The following VPS26A variants were observed in gnomAD, a reference collection of about 807,000 sequenced individuals.
The protein encoded by VPS26A is VPS26 retromer complex component A.
In VPS26A, 22 loss-of-function variants were observed where a neutral mutation model predicts 42.4. The observed-to-expected ratio is 0.52, with a 90% CI of 0.37 to 0.74. VPS26A has a LOEUF of 0.74. Ranked by LOEUF, VPS26A falls within the 30% of genes least tolerant of loss-of-function variation. The pLI is 0.00. For synonymous variants in VPS26A, 110 were observed against 123.5 expected, an observed-to-expected ratio of 0.89 and a Z score of 0.73; for missense variants, 276 against 379.2, an observed-to-expected ratio of 0.73 and a Z score of 2.26.
chr10:69,170,157 T>C (rs1841785389), intron 8 of VPS26A: 1 of 152,242 alleles, frequency 6.6e-6, no homozygotes, highest in Non-Finnish European at 1.5e-5. Flanking sequence ...GTCCTCCATG[T>C]TCTCACATTG....
chr10:69,143,089 G>T (rs189010334), intron 2 of VPS26A, among the ~76,000 whole-genome samples: 72 of 152,274 alleles, frequency 4.7e-4, no homozygotes, highest in African/African-American at 1.7e-3. Flanking sequence ...ATGCTGAAAA[G>T]AAAGCTTAAA....
chr10:69,139,794 G>T (rs747495476), intron 2 of VPS26A, among the ~76,000 whole-genome samples: 28 of 151,868 alleles, frequency 1.8e-4, no homozygotes, highest in Non-Finnish European at 3.1e-4. Flanking sequence ...TTTTGCTCTT[G>T]TATTCCTTCT....
intron 1 of VPS26A, among the ~76,000 whole-genome samples, chr10:69,132,202 TAAAA>T (rs1406921294): frequency 1.3e-5 from 2 of 152,164 alleles, no homozygotes; most frequent in Admixed American, 6.6e-5. Context: ...ACCTCATAAA[TAAAA>T]GTATAAATAA....
At chr10:69,142,296 C>T (rs562058052) in intron 2 of VPS26A, among the ~76,000 whole-genome samples, 1 of 150,608 alleles carries the variant, frequency 6.6e-6, no homozygotes, top group Admixed American at 6.7e-5. Context: ...AAGTAATCCT[C>T]CTACCTCAGC....
intron 1 of VPS26A, among the ~76,000 whole-genome samples, chr10:69,128,230 A>ATTTTTTTT (rs34855332): frequency 3.3e-5 from 4 of 122,040 alleles, no homozygotes; most frequent in African/African-American, 1.2e-4. Context: ...TTGGGATTTG[A>ATTTTTTTT]TTTTTTTTTT....
Position 69,155,814 on chromosome 10 carries a change from A to G in VPS26A, c.156A>G (p.Val52=), listed in dbSNP as rs1487451352. Residue 52 remains valine (V), a splice_region_variant and synonymous_variant, in exon 3 of 9, where the codon GTA becomes GTG. Transcript: ENST00000263559. Reference sequence around the variant, plus strand: ...CTTATAATTTCATGTTTTGGCAGGTAAACCTAGCCTTTAAGCAACCTGGAA... The same window carrying G: ...CTTATAATTTCATGTTTTGGCAGGTGAACCTAGCCTTTAAGCAACCTGGAA... ...FYDGESVSGK[V]NLAFKQPGKR... is the part of the protein sequence containing the mutation. 1.9e-6 allele frequency: 3 copies of G among 1,611,276 alleles called. No homozygotes were observed. Among genetic ancestry groups the G allele is most frequent in the Non-Finnish European group, 2.5e-6 (3 of 1,178,440 alleles).
intron 1 of VPS26A, among the ~76,000 whole-genome samples, chr10:69,132,447 T>C (rs1173182423): frequency 1.3e-5 from 2 of 149,956 alleles, no homozygotes; most frequent in East Asian, 3.9e-4. Context: ...TTTTTTTTCT[T>C]TCTTTCTTTT....
chr10:69,133,130 T>C (rs772504528), intron 2 of VPS26A, 83 bp downstream of exon 2: 6 of 1,410,468 alleles, frequency 4.3e-6, no homozygotes, highest in Non-Finnish European at 4.8e-6. Flanking sequence ...TTCTTAAATT[T>C]GAATAATTTT....
Position 69,138,199 on chromosome 10 carries a change from A to G in VPS26A, c.153+5152A>G, listed in dbSNP as rs550017633. Among the ~76,000 whole-genome samples the G allele has an allele frequency of 3.3e-5, 5 of 152,156 alleles. No homozygotes were observed. In the South Asian group the frequency reaches 1.0e-3, roughly 31 times the overall value. Reference sequence around the variant, plus strand: ...ATATTGTAGCATTTGTTATTAGTATATCATTGTTTTTTATTGATGAATAGT... The same window carrying G: ...ATATTGTAGCATTTGTTATTAGTATGTCATTGTTTTTTATTGATGAATAGT... On this transcript the variant is annotated intron_variant, in intron 2 of 8. Coordinates refer to ENST00000263559, the MANE Select transcript of VPS26A (RefSeq NM_004896.5).
chr10:69,128,230 A>ATTTT lies in VPS26A; in HGVS notation c.3+3966_3+3969dup, dbSNP rs34855332. Among the ~76,000 whole-genome samples, 164 of 122,050 alleles carry ATTTT rather than the reference A, an allele frequency of 1.3e-3. 2 individuals carry two copies. The highest frequency in any genetic ancestry group is 4.8e-3 in the African/African-American group (161 of 33,782). 80.1% of individuals were successfully genotyped at this position (122,050 alleles called of 152,430 possible). A position where few individuals can be genotyped will look rare whatever the true frequency, so the allele number is the denominator to read the frequency against. ...AAATTTTATTTAACTTTGGGATTTG[A>ATTTT]TTTTTTTTTTTTTTTTTTTGAGGCA... On this transcript the variant is annotated intron_variant, in intron 1 of 8. Coordinates refer to ENST00000263559, the MANE Select transcript of VPS26A (RefSeq NM_004896.5).
In VPS26A at chr10:69,124,251, A is replaced by AG. The variant is rs761937604; in HGVS notation, c.-21dup. On this transcript the variant is annotated 5_prime_UTR_variant, in exon 1 of 9. Transcript: ENST00000263559. ...TCTCCTGAGGGAAGAGGAGTGGAGT[A>AG]GGGGGGACGCGGCGGCGGCGTTGAC... The AG allele has an allele frequency of 1.6e-6, 2 of 1,285,180 alleles. No homozygotes were observed. The highest frequency in any genetic ancestry group is 1.5e-5 in the African/African-American group (1 of 65,634). The allele number at this position is 1,285,180 out of a possible 1,614,324, so 79.6% of individuals were successfully genotyped here.
intron 1 of VPS26A, among the ~76,000 whole-genome samples, chr10:69,125,549 T>C (rs1010965246): frequency 2.0e-5 from 3 of 147,486 alleles, no homozygotes; most frequent in South Asian, 4.2e-4. Context: ...TTTAATTGAA[T>C]ATCATTTGAA....
At chr10:69,156,086 C>G (rs1234899938) in intron 3 of VPS26A, among the ~76,000 whole-genome samples, 199 bp downstream of exon 3, 1 of 151,942 alleles carries the variant, frequency 6.6e-6, no homozygotes, top group Non-Finnish European at 1.5e-5. Flanking sequence ...TTTGATATAT[C>G]ATTTCATGAT....
In VPS26A at chr10:69,173,718, G is replaced by A. The variant is rs1394583466; in HGVS notation, c.*2449G>A. ...AGTGCTTGTGAAAACGCACCAATCA[G>A]GCTGGGCACAGTGGCTCACGCCTGT... On this transcript the variant is annotated 3_prime_UTR_variant, in exon 9 of 9. Transcript: ENST00000263559. Among the ~76,000 whole-genome samples the A allele has an allele frequency of 6.6e-6, 1 of 152,186 alleles. No homozygotes were observed. Among genetic ancestry groups the A allele is most frequent in the Non-Finnish European group, 1.5e-5 (1 of 68,042 alleles).
intron 7 of VPS26A, among the ~76,000 whole-genome samples, chr10:69,167,585 CA>C (rs981872867): frequency 6.3e-4 from 94 of 150,212 alleles, no homozygotes; most frequent in Non-Finnish European, 1.0e-3. Context: ...ACTAAAAATA[CA>C]AAAAAAATTT....
At chr10:69,156,917 G>C in intron 3 of VPS26A, 90 bp from the exon 4 acceptor site, 1 of 1,201,524 alleles carries the variant, frequency 8.3e-7, no homozygotes, top group African/African-American at 1.5e-5. Flanking sequence ...AATTCTTTTG[G>C]TAAAAATCGT....
Position 69,155,922 on chromosome 10 carries a change from G to C in VPS26A, c.229+35G>C, listed in dbSNP as rs182552788. 2,943 of 1,514,324 alleles carry C rather than the reference G, an allele frequency of 1.9e-3. 5 individuals are homozygous for C. Among genetic ancestry groups the C allele is most frequent in the Non-Finnish European group, 2.0e-3 (2,195 of 1,110,958 alleles). The allele number at this position is 1,514,324 out of a possible 1,614,324, so 93.8% of individuals were successfully genotyped here. ...AAAATAGTATTATTTCTTTTTCTTT[G>C]ATAACTGAATTTGAAGAGGGTTGGA... On this transcript the variant is annotated intron_variant, in intron 3 of 8. Transcript: ENST00000263559.
chr10:69,145,763 C>A (rs915879023), intron 2 of VPS26A, among the ~76,000 whole-genome samples: 3 of 149,050 alleles, frequency 2.0e-5, no homozygotes, highest in Admixed American at 1.3e-4. Flanking sequence ...AGTTATAATT[C>A]ACATGCCATA....
At chr10:69,151,282 A>AAACAAAAAACAAAAAACACACAC (rs71035063) in intron 2 of VPS26A, among the ~76,000 whole-genome samples, 6 of 136,772 alleles carry the variant, frequency 4.4e-5, no homozygotes, top group African/African-American at 1.7e-4. Context: ...AAAAAAAAAA[A>AAACAAAAAACAAAAAACACACAC]ACACACACAC....
Sources: gnomAD v4.1 joint callset for allele counts (sites outside exome capture counted in the v4.1 genomes callset) on GRCh38, gnomAD v4.1.1 for gene constraint, MANE v1.5 for transcripts, NCBI Gene and HGNC (gene_info 2026-07-23, HGNC 2026-07-21) for gene names.